POLK: variants seen among roughly 807,000 people sequenced by gnomAD.
The protein encoded by POLK is polymerase (DNA directed) kappa.
POLK carries 76 observed loss-of-function variants against 94.0 expected under a neutral mutation model. The observed-to-expected ratio is 0.81, with a 90% CI of 0.67 to 0.98. The LOEUF (loss-of-function observed/expected upper bound fraction) is 0.98, where lower values mean the gene tolerates loss of function less well. Among genes scored for constraint, POLK ranks in the 50% least tolerant of loss-of-function variants. POLK has a pLI of 0.00. For synonymous variants in POLK, 349 were observed against 325.4 expected (o/e 1.07, Z -0.78); for missense variants, 954 against 1,010.1 (o/e 0.94, Z 0.75).
At chr5:75,568,227 G>C (rs1360521805) in intron 3 of POLK, among the ~76,000 whole-genome samples, 1 of 152,156 alleles carries the variant, frequency 6.6e-6, no homozygotes. Flanking sequence ...AGTAATAGAT[G>C]TATTTATTGA....
At chr5:75,511,834 C>T (rs1561319621) in exon 1 of POLK, 1 of 1,550,482 alleles carries the variant, frequency 6.4e-7, no homozygotes, top group Non-Finnish European at 8.7e-7. Context: ...AGGGATGCAG[C>T]TGTGCTGCAT....
At chr5:75,576,648 C>T (rs1313504884) in intron 5 of POLK, 132 bp from the exon 6 acceptor site, 6 of 428,334 alleles carry the variant, frequency 1.4e-5, no homozygotes, top group African/African-American at 2.0e-5. Flanking sequence ...TTCCTTAAAT[C>T]CATGAACTAT....
At position 75,600,325 on chromosome 5, in the gene POLK, T is replaced by C. The variant is rs539280780; in HGVS notation, c.*2307T>C. The C allele has an allele frequency of 3.9e-5, 6 of 152,354 alleles. No homozygotes were observed. In the South Asian group the frequency reaches 1.2e-3, roughly 32 times the overall value. 9.4% of individuals were successfully genotyped at this position (152,354 alleles called of 1,614,324 possible). A position where few individuals can be genotyped will look rare whatever the true frequency, so the allele number is the denominator to read the frequency against. ...TTGCAAAAATGAAATGATCTAATGA[T>C]ACTAAGTTTTGGTGATGATGTCAGC... is the stretch of plus-strand genomic sequence containing the variant. On this transcript the variant is annotated 3_prime_UTR_variant, in exon 15 of 15. Transcript: ENST00000241436.
intron 2 of POLK, among the ~76,000 whole-genome samples, chr5:75,551,722 G>A (rs1459062355): frequency 1.3e-5 from 2 of 152,194 alleles, no homozygotes; most frequent in Non-Finnish European, 1.5e-5. Flanking sequence ...AGTAACAAAT[G>A]TTGGCAAGAA....
At chr5:75,590,621 C>G (rs1370595911) in intron 11 of POLK, 181 bp downstream of exon 11, 3 of 554,982 alleles carry the variant, frequency 5.4e-6, no homozygotes, top group Non-Finnish European at 9.7e-6. Flanking sequence ...TATCTGGAGT[C>G]TGTGATGAGG....
chr5:75,531,280 GT>G (rs566115305), intron 1 of POLK, among the ~76,000 whole-genome samples: 182 of 148,136 alleles, frequency 1.2e-3, no homozygotes, highest in South Asian at 4.0e-3. Context: ...ATAGTATATT[GT>G]TTATATACTA....
intron 1 of POLK, among the ~76,000 whole-genome samples, chr5:75,541,654 T>C (rs188443199): frequency 6.6e-5 from 10 of 152,328 alleles, no homozygotes; most frequent in Admixed American, 2.6e-4. Flanking sequence ...GGAATTTCAT[T>C]ATTTCTGTTC....
chr5:75,603,427 CAA>C (rs11350660), downstream of POLK, among the ~76,000 whole-genome samples: 233 of 133,842 alleles, frequency 1.7e-3, no homozygotes, highest in Middle Eastern at 4.0e-3. Flanking sequence ...ACTCTCATGT[CAA>C]AAAAAAAAAA....
chr5:75,523,226 A>G (rs182153712), intron 1 of POLK, among the ~76,000 whole-genome samples: 19 of 152,364 alleles, frequency 1.2e-4, no homozygotes, highest in African/African-American at 4.1e-4. Flanking sequence ...TATATGATGT[A>G]TTTAGTAAAC....
At chr5:75,539,999 A>G (rs1769656009) in intron 1 of POLK, among the ~76,000 whole-genome samples, 1 of 152,164 alleles carries the variant, frequency 6.6e-6, no homozygotes, top group East Asian at 1.9e-4. Context: ...CCCCTGCCAT[A>G]CACTATTAGA....
chr5:75,511,456 T>C (rs11549098), upstream of POLK: 1 of 1,531,968 alleles, frequency 6.5e-7, no homozygotes, highest in South Asian at 1.2e-5. Context: ...GCCGCCGCCG[T>C]CGCCGTGACC....
exon 12 of POLK, chr5:75,593,893 A>C (rs1354534658): frequency 1.3e-6 from 2 of 1,581,824 alleles, no homozygotes; most frequent in African/African-American, 1.3e-5. Flanking sequence ...AACTGTTACC[A>C]TTAAGTTGAA....
intron 10 of POLK, among the ~76,000 whole-genome samples, chr5:75,588,287 G>C (rs1772576601): frequency 6.6e-6 from 1 of 152,118 alleles, no homozygotes; most frequent in African/African-American, 2.4e-5. Context: ...TGGGGGAAAG[G>C]AGGTTGCAAT....
intron 12 of POLK, among the ~76,000 whole-genome samples, chr5:75,595,524 C>A (rs1270434255): frequency 6.6e-6 from 1 of 151,700 alleles, no homozygotes; most frequent in African/African-American, 2.4e-5. Flanking sequence ...ATATGAGATT[C>A]TGGAAAAGGC....
At chr5:75,512,835 G>A (rs1768125310) in intron 1 of POLK, 1 of 152,212 alleles carries the variant, frequency 6.6e-6, no homozygotes, top group Non-Finnish European at 1.5e-5. Flanking sequence ...TCGAGTCTAA[G>A]GGAAAACGCT....
chr5:75,519,535 A>T (rs913902616), intron 1 of POLK, among the ~76,000 whole-genome samples: 3 of 152,240 alleles, frequency 2.0e-5, no homozygotes, highest in Admixed American at 2.0e-4. Context: ...GTCTATCAAT[A>T]TTTGCTTTAT....
intron 2 of POLK, among the ~76,000 whole-genome samples, chr5:75,551,583 T>C (rs185918863): frequency 2.6e-4 from 40 of 152,232 alleles, no homozygotes; most frequent in Middle Eastern, 3.4e-3. Context: ...AAAGAAGATA[T>C]ACAAATGACT....
intron 4 of POLK, among the ~76,000 whole-genome samples, chr5:75,572,590 A>G (rs1372372802): frequency 6.6e-6 from 1 of 152,192 alleles, no homozygotes; most frequent in African/African-American, 2.4e-5. Flanking sequence ...TTTGATATTC[A>G]TTCTATAATA....
At chr5:75,561,084 G>A (rs567121409) in intron 3 of POLK, among the ~76,000 whole-genome samples, 137 of 152,190 alleles carry the variant, frequency 9.0e-4, no homozygotes, top group Middle Eastern at 3.4e-3. Context: ...TTGAGGAATC[G>A]CCACACTGTC....
Sources: allele counts gnomAD v4.1 joint callset (sites outside exome capture counted in the v4.1 genomes callset), GRCh38; gene constraint gnomAD v4.1.1; transcripts MANE v1.5; gene names NCBI Gene and HGNC (gene_info 2026-07-23, HGNC 2026-07-21).